XKR9: variants seen among roughly 807,000 people sequenced by gnomAD.
The protein encoded by XKR9 is XK related 9, also known as XK-related protein 9.
A neutral mutation model predicts 32.0 loss-of-function variants in XKR9; 32 were observed. The ratio of observed to expected loss-of-function variants is 1.00; its 90% CI spans 0.76 to 1.34. XKR9 has a LOEUF of 1.34. Ranked by LOEUF, XKR9 falls within the 40% of genes most tolerant of loss-of-function variation. The probability of loss-of-function intolerance (pLI) is 0.00; values close to 1 mark genes in which losing one functional copy is unlikely to be tolerated. For synonymous variants in XKR9, 168 were observed against 143.4 expected, an observed-to-expected ratio of 1.17 and a Z score of -1.22; for missense variants, 546 against 429.7, an observed-to-expected ratio of 1.27 and a Z score of -2.39.
chr8:70,876,865 A>T, the XKR9 span, among the ~76,000 whole-genome samples: 1 of 152,106 alleles, frequency 6.6e-6, no homozygotes, highest in Non-Finnish European at 1.5e-5. Flanking sequence ...TGGACTATGA[A>T]GTATTCTAAT....
chr8:70,999,138 A>G, the XKR9 span, among the ~76,000 whole-genome samples: 1 of 152,240 alleles, frequency 6.6e-6, no homozygotes, highest in Non-Finnish European at 1.5e-5. Flanking sequence ...AAAATAAAGA[A>G]TATTAATATA....
At chr8:70,838,681 C>G in the XKR9 span, among the ~76,000 whole-genome samples, 5 of 152,026 alleles carry the variant, frequency 3.3e-5, no homozygotes, top group African/African-American at 1.2e-4. Flanking sequence ...CATGTTACCT[C>G]AAAGATATGA....
chr8:70,782,769 G>A (rs62508777), intron 2 of XKR9, among the ~76,000 whole-genome samples: 48,469 of 151,856 alleles, frequency 0.32, 9,096 homozygotes, highest in Non-Finnish European at 0.43. Flanking sequence ...CTTTTTAAAA[G>A]ACTGAATAGT....
At chr8:70,967,691 T>C in the XKR9 span, among the ~76,000 whole-genome samples, 2 of 152,182 alleles carry the variant, frequency 1.3e-5, no homozygotes, top group African/African-American at 4.8e-5. Context: ...CTTTCACTTA[T>C]GAAACTTGGT....
intron 2 of XKR9, among the ~76,000 whole-genome samples, chr8:70,775,700 A>T (rs1408457341): frequency 6.6e-6 from 1 of 151,242 alleles, no homozygotes; most frequent in Admixed American, 6.6e-5. Flanking sequence ...ATTGGCTTGC[A>T]CTTTTATTAA....
At chr8:70,809,881 G>A in the XKR9 span, among the ~76,000 whole-genome samples, 1 of 152,192 alleles carries the variant, frequency 6.6e-6, no homozygotes, top group African/African-American at 2.4e-5. Flanking sequence ...ATATTATCCA[G>A]GAGAACTTCC....
chr8:70,733,712 A>G (rs1806749085), intron 4 of XKR9, 84 bp from the exon 5 acceptor site: 2 of 1,279,700 alleles, frequency 1.6e-6, no homozygotes, highest in Non-Finnish European at 2.1e-6. Context: ...GTGTGTGTAT[A>G]TAGATATAGC....
chr8:70,923,431 A>C, the XKR9 span, among the ~76,000 whole-genome samples: 1 of 152,136 alleles, frequency 6.6e-6, no homozygotes, highest in South Asian at 2.1e-4. Context: ...AAGTCTCCTG[A>C]ACCTTGATGT....
intron 2 of XKR9, among the ~76,000 whole-genome samples, chr8:70,763,210 G>C (rs1158577429): frequency 6.6e-6 from 1 of 152,198 alleles, no homozygotes; most frequent in Non-Finnish European, 1.5e-5. Context: ...ATTTGAGTCA[G>C]AGCTCAATAC....
intron 2 of XKR9, among the ~76,000 whole-genome samples, chr8:70,768,790 T>C (rs899148808): frequency 1.3e-5 from 2 of 151,944 alleles, no homozygotes; most frequent in African/African-American, 4.8e-5. Flanking sequence ...TTGGTAAATA[T>C]TCTTCCATCC....
intron 3 of XKR9, among the ~76,000 whole-genome samples, chr8:70,692,414 T>C (rs980701802): frequency 1.3e-5 from 2 of 151,926 alleles, no homozygotes; most frequent in African/African-American, 4.8e-5. Context: ...TTGTTTTTTT[T>C]TCTCTTGACT....
chr8:70,993,474 C>G, the XKR9 span, among the ~76,000 whole-genome samples: 1 of 152,084 alleles, frequency 6.6e-6, no homozygotes, highest in South Asian at 2.1e-4. Flanking sequence ...CAAAAATGTC[C>G]CACCTTAGCC....
chr8:70,690,170 TG>T (rs34597476), intron 3 of XKR9, among the ~76,000 whole-genome samples: 1 of 152,146 alleles, frequency 6.6e-6, no homozygotes, highest in Non-Finnish European at 1.5e-5. Flanking sequence ...ACACGTGTCA[TG>T]GGGGTTTGTT....
At chr8:70,906,484 C>T in the XKR9 span, among the ~76,000 whole-genome samples, 2 of 152,150 alleles carry the variant, frequency 1.3e-5, no homozygotes, top group Non-Finnish European at 1.5e-5. Flanking sequence ...GCATGTGTCC[C>T]TTTTGTTTAT....
chr8:70,970,634 C>A, the XKR9 span, among the ~76,000 whole-genome samples: 1 of 152,140 alleles, frequency 6.6e-6, no homozygotes, highest in East Asian at 1.9e-4. Context: ...CATGTCCCTG[C>A]AAAGGACATG....
chr8:70,869,888 TC>T, the XKR9 span, among the ~76,000 whole-genome samples: 1 of 152,180 alleles, frequency 6.6e-6, no homozygotes, highest in Admixed American at 6.5e-5. Flanking sequence ...GTGGCACTGG[TC>T]TGAGAGGTAG....
At chr8:71,013,032 G>A in the XKR9 span, among the ~76,000 whole-genome samples, 3 of 152,176 alleles carry the variant, frequency 2.0e-5, no homozygotes, top group Non-Finnish European at 4.4e-5. Context: ...TTGGGAGAAG[G>A]ATGGAGATGG....
chr8:70,994,747 G>GT, the XKR9 span, among the ~76,000 whole-genome samples: 3,845 of 126,752 alleles, frequency 0.03, 138 homozygotes, highest in African/African-American at 0.096. Context: ...GTTATATTCT[G>GT]TTTTTTTTTT....
chr8:70,692,075 T>G (rs541603706), intron 3 of XKR9, among the ~76,000 whole-genome samples: 2 of 152,292 alleles, frequency 1.3e-5, no homozygotes, highest in Non-Finnish European at 2.9e-5. Flanking sequence ...TGTGTCTTCT[T>G]TGATTTCTTT....
Sources: allele counts gnomAD v4.1 joint callset (sites outside exome capture counted in the v4.1 genomes callset), GRCh38; gene constraint gnomAD v4.1.1; transcripts MANE v1.5; gene names NCBI Gene and HGNC (gene_info 2026-07-23, HGNC 2026-07-21).